The following PLEKHG7 variants were observed in gnomAD, a reference collection of about 807,000 sequenced individuals.
The protein encoded by PLEKHG7 is pleckstrin homology and RhoGEF domain containing G7.
Under a neutral mutation model 85.2 loss-of-function variants are expected in PLEKHG7, and 77 were observed. The observed-to-expected ratio is 0.90, with a 90% CI of 0.75 to 1.09. The LOEUF (loss-of-function observed/expected upper bound fraction) is 1.09, where lower values mean the gene tolerates loss of function less well. PLEKHG7 is among the 50% of genes least tolerant of loss of function. The pLI is 0.00. For synonymous variants in PLEKHG7, 301 were observed against 302.4 expected, an observed-to-expected ratio of 1.00 and a Z score of 0.05; for missense variants, 777 against 804.3, an observed-to-expected ratio of 0.97 and a Z score of 0.41.
rs749206254 is a variant in PLEKHG7 at position 92,756,293 on chromosome 12, A to G, written c.1543-5A>G. On this transcript the variant is annotated splice_polypyrimidine_tract_variant and splice_region_variant and intron_variant, in intron 12 of 16. Transcript: ENST00000344636. ...TCTCTTTTATTTTCTCGCTTGTTTT[A>G]CAAGTGTTTGAAACACATTTTTAAA... 3.1e-6 allele frequency: 5 copies of G among 1,594,450 alleles called. No individual in the cohort carries two copies. The highest frequency in any genetic ancestry group is 2.6e-6 in the Non-Finnish European group (3 of 1,162,668).
At chr12:92,763,912 G>T (rs1338241699) in intron 14 of PLEKHG7, 129 bp from the exon 15 acceptor site, 2 of 654,614 alleles carry the variant, frequency 3.1e-6, no homozygotes, top group Non-Finnish European at 4.7e-6. Flanking sequence ...AGAAAGAGTA[G>T]TAAGATTTTA....
At chr12:92,757,259 T>C (rs1393372948) in intron 13 of PLEKHG7, among the ~76,000 whole-genome samples, 4 of 152,204 alleles carry the variant, frequency 2.6e-5, no homozygotes, top group Admixed American at 6.5e-5. Context: ...AAAAGAATGA[T>C]TGACACAAAT....
Position 92,737,758 on chromosome 12 carries a change from A to AG in PLEKHG7, c.939+239dup, listed in dbSNP as rs368960466. ...GAGGAAGGGAGGGAGGGAGGAAGGA[A>AG]GGAAGGAAGGAAGGGAAAGAGAGGG... On this transcript the variant is annotated intron_variant, in intron 7 of 16. Coordinates refer to ENST00000344636, the MANE Select transcript of PLEKHG7 (RefSeq NM_001377329.1). Among the ~76,000 whole-genome samples the AG allele has an allele frequency of 2.2e-4, 12 of 53,674 alleles. No individual in the cohort carries two copies. The South Asian group carries it at 3.1e-3, about 14-fold the overall frequency. The allele number at this position is 53,674 out of a possible 152,430, so 35.2% of individuals were successfully genotyped here.
intron 3 of PLEKHG7, among the ~76,000 whole-genome samples, chr12:92,721,691 A>C (rs1871646924): frequency 7.9e-6 from 1 of 126,372 alleles, no homozygotes; most frequent in South Asian, 2.9e-4. Flanking sequence ...CAGAATAGCC[A>C]AGCATAAAAC....
At chr12:92,753,566 T>TCTCTC (rs1440545584) in intron 10 of PLEKHG7, among the ~76,000 whole-genome samples, 1 of 152,168 alleles carries the variant, frequency 6.6e-6, no homozygotes, top group African/African-American at 2.4e-5. Context: ...CATCTCTACC[T>TCTCTC]CTCTCCTCTC....
chr12:92,770,698 A>G lies in PLEKHG7; in HGVS notation c.*503A>G, dbSNP rs1476718298. On this transcript the variant is annotated 3_prime_UTR_variant, in exon 17 of 17. Coordinates refer to ENST00000344636, the MANE Select transcript of PLEKHG7 (RefSeq NM_001377329.1). ...CAAAGCTTGATTGTTCTTTTAATAT[A>G]CAAAGCAATAAATAGGGACTACATT... 6.6e-6 allele frequency: 1 copy of G among 152,486 alleles called. No homozygotes were observed. The highest frequency in any genetic ancestry group is 2.4e-5 in the African/African-American group (1 of 41,462). 9.4% of individuals were successfully genotyped at this position (152,486 alleles called of 1,614,324 possible).
chr12:92,754,092 G>T lies in PLEKHG7; in HGVS notation c.1254G>T (p.Trp418Cys), dbSNP rs147070589. The T allele has an allele frequency of 6.2e-7, 1 of 1,613,174 alleles. No homozygotes were observed. Among genetic ancestry groups the T allele is most frequent in the Non-Finnish European group, 8.5e-7 (1 of 1,179,462 alleles). Residue 418 changes from tryptophan (W) to cysteine (C), a missense_variant and splice_region_variant, in exon 11 of 17, where the codon TGG becomes TGT. This residue lies in a region of PLEKHG7 where 520 missense variants were observed against 544.0 expected (regional missense o/e 0.96). Transcript: ENST00000344636. ...QRDDFGIYLK[W>C]CEQNEQCRRL... The stretch of plus-strand genomic sequence containing the variant: ...ATGGCTGCTTTTGCCTTCCCCAGTG[G>T]TGTGAGCAGAATGAACAATGCAGAC...
Position 92,756,303 on chromosome 12 carries a change from G to T in PLEKHG7, c.1548G>T (p.Leu516Phe), listed in dbSNP as rs1872828550. The change falls in exon 13 of 17, where the codon TTG (leucine) becomes TTT (phenylalanine). Residue 516 changes from leucine (L) to phenylalanine (F), a missense_variant. By Grantham distance (22) the Leu-to-Phe change is conservative. Coordinates refer to ENST00000344636, the MANE Select transcript of PLEKHG7 (RefSeq NM_001377329.1). ...TTTCTCGCTTGTTTTACAAGTGTTT[G>T]AAACACATTTTTAAAGAACACATGG... Reference protein sequence around the residue: ...RDKRFFIPECLKHIFKEHMAE... With the variant: ...RDKRFFIPECFKHIFKEHMAE... The T allele has an allele frequency of 6.2e-7, 1 of 1,606,004 alleles. No individual in the cohort carries two copies. Among genetic ancestry groups the T allele is most frequent in the Non-Finnish European group, 8.5e-7 (1 of 1,173,064 alleles).
chr12:92,710,065 G>A (rs1399806800), intron 3 of PLEKHG7, among the ~76,000 whole-genome samples: 1 of 152,130 alleles, frequency 6.6e-6, no homozygotes, highest in African/African-American at 2.4e-5. Flanking sequence ...AAGACCTCTA[G>A]GCCAGCAGAA....
intron 4 of PLEKHG7, 113 bp from the exon 5 acceptor site, chr12:92,732,120 G>C (rs1217811082): frequency 2.0e-6 from 1 of 489,196 alleles, no homozygotes; most frequent in East Asian, 3.5e-5. Flanking sequence ...ATTAAAGCAG[G>C]ATGAATTCTG....
intron 10 of PLEKHG7, among the ~76,000 whole-genome samples, chr12:92,749,395 G>A (rs1872625203): frequency 6.6e-6 from 1 of 152,162 alleles, no homozygotes; most frequent in South Asian, 2.1e-4. Context: ...GGGCTCAGGT[G>A]ACCCTCACAC....
chr12:92,727,207 GT>G (rs1032927918), intron 3 of PLEKHG7, among the ~76,000 whole-genome samples: 2 of 152,142 alleles, frequency 1.3e-5, no homozygotes, highest in African/African-American at 4.8e-5. Flanking sequence ...ATGACCAGAG[GT>G]GGTCTGAACC....
At chr12:92,764,437 A>C (rs368564545) in intron 15 of PLEKHG7, among the ~76,000 whole-genome samples, 1 of 152,190 alleles carries the variant, frequency 6.6e-6, no homozygotes, top group African/African-American at 2.4e-5. Flanking sequence ...TAAGCCTTTG[A>C]GAAATAGGGA....
chr12:92,744,759 G>A (rs1353330639), intron 9 of PLEKHG7, among the ~76,000 whole-genome samples: 8 of 151,550 alleles, frequency 5.3e-5, no homozygotes, highest in African/African-American at 1.7e-4. Flanking sequence ...TCCACCTCCT[G>A]GGTTCAAGCA....
Position 92,741,518 on chromosome 12 carries a change from T to C in PLEKHG7, c.1063T>C (p.Phe355Leu), listed in dbSNP as rs1872355370. ...AAGCCTTGGTTTTGTGAACAGTCTCTTTGGCATCATCAAGGACTATGTAGA... is the reference window on the plus strand; with the variant it reads ...AAGCCTTGGTTTTGTGAACAGTCTCCTTGGCATCATCAAGGACTATGTAGA... Reference protein sequence around the residue: ...QTSLGFVNSLFGIIKDYVDAS... With the variant: ...QTSLGFVNSLLGIIKDYVDAS... The change falls in exon 9 of 17, where the codon TTT (phenylalanine) becomes CTT (leucine). Residue 355 changes from phenylalanine (F) to leucine (L), a missense_variant. By Grantham distance (22) the Phe-to-Leu change is conservative (BLOSUM62 0). Around this residue, in one of 3 missense-constraint regions of PLEKHG7, gnomAD observed 520 missense variants for 544.0 expected, o/e 0.96. Coordinates refer to ENST00000344636, the MANE Select transcript of PLEKHG7 (RefSeq NM_001377329.1). The C allele has an allele frequency of 1.2e-6, 2 of 1,612,838 alleles. No individual in the cohort carries two copies. Among genetic ancestry groups the C allele is most frequent in the Non-Finnish European group, 1.7e-6 (2 of 1,179,540 alleles).
chr12:92,734,266 TTCC>T (rs1872074531), intron 5 of PLEKHG7, among the ~76,000 whole-genome samples: 1 of 152,204 alleles, frequency 6.6e-6, no homozygotes, highest in Admixed American at 6.5e-5. Flanking sequence ...ATTTTTCTTT[TTCC>T]TCCTTTTTTC....
In PLEKHG7 at chr12:92,711,158, A is replaced by G. The variant is rs183758706; in HGVS notation, c.530+3486A>G. Among the ~76,000 whole-genome samples, 3 of 152,344 alleles carry G rather than the reference A, an allele frequency of 2.0e-5. No homozygotes were observed. The East Asian group carries it at 5.8e-4, about 29-fold the overall frequency. The stretch of plus-strand genomic sequence containing the variant: ...AGGTGTACTCCTCGAAGTTCTGCCC[A>G]CTGGGAAGATTTCCTTTCACCGTTA... On this transcript the variant is annotated intron_variant, in intron 3 of 16. Coordinates refer to ENST00000344636, the MANE Select transcript of PLEKHG7 (RefSeq NM_001377329.1).
In PLEKHG7 at chr12:92,706,874, A is replaced by G. The variant is rs1263733692; in HGVS notation, c.243A>G (p.Pro81=). 3.7e-6 allele frequency: 6 copies of G among 1,613,914 alleles called. No individual in the cohort carries two copies. The highest frequency in any genetic ancestry group is 2.2e-5 in the East Asian group (1 of 44,882). Residue 81 remains proline, a synonymous_variant, in exon 2 of 17, where the codon CCA becomes CCG. Transcript: ENST00000344636. ...WGSWGAPVGF[P]CYLSKSLPGS... ...GCTGGGGAGCTCCTGTGGGCTTCCC[A>G]TGTTACCTTTCGAAGAGCCTGCCAG...
At chr12:92,743,927 C>T (rs1320529591) in intron 9 of PLEKHG7, among the ~76,000 whole-genome samples, 2 of 152,158 alleles carry the variant, frequency 1.3e-5, no homozygotes, top group African/African-American at 4.8e-5. Context: ...TCAAGCATCT[C>T]AGTGTCCATG....
Sources: gnomAD v4.1 joint callset for allele counts (sites outside exome capture counted in the v4.1 genomes callset) on GRCh38, gnomAD v4.1.1 for gene constraint, gnomAD v4.1.1 regional missense constraint, MANE v1.5 for transcripts, NCBI Gene and HGNC (gene_info 2026-07-23, HGNC 2026-07-21) for gene names.